STAG1: variants seen among roughly 807,000 people sequenced by gnomAD.
STAG1 encodes the protein cohesin subunit SA-1.
In STAG1, 26 loss-of-function variants were observed where a neutral mutation model predicts 170.9. That is an observed-to-expected ratio of 0.15 (90% CI 0.11 to 0.21). STAG1 has a LOEUF of 0.21. STAG1 is among the 10% of genes least tolerant of loss of function. STAG1 has a pLI of 1.00. For synonymous variants in STAG1, 514 were observed against 497.7 expected (o/e 1.03, Z -0.44); for missense variants, 964 against 1,509.5 (o/e 0.64, Z 5.99).
intron 23 of STAG1, among the ~76,000 whole-genome samples, chr3:136,373,284 T>C (rs1464216440): frequency 6.6e-6 from 1 of 151,992 alleles, no homozygotes; most frequent in South Asian, 2.1e-4. Flanking sequence ...TTTTGTTGAT[T>C]TTTTCAAAAA....
At chr3:136,531,851 G>A (rs1172161580) in intron 6 of STAG1, among the ~76,000 whole-genome samples, 1 of 148,118 alleles carries the variant, frequency 6.8e-6, no homozygotes, top group Non-Finnish European at 1.5e-5. Flanking sequence ...CATGGCACAT[G>A]TATACATATG....
chr3:136,486,041 C>T (rs1234201405), intron 9 of STAG1, among the ~76,000 whole-genome samples: 2 of 152,080 alleles, frequency 1.3e-5, no homozygotes, highest in East Asian at 3.8e-4. Flanking sequence ...AATACTGCAT[C>T]GGGACCCATT....
chr3:136,453,420 T>A (rs934612191), intron 13 of STAG1, among the ~76,000 whole-genome samples: 1 of 151,722 alleles, frequency 6.6e-6, no homozygotes, highest in African/African-American at 2.4e-5. Context: ...TGAAACCCCA[T>A]CTCTACTAAA....
At chr3:136,551,208 T>G (rs57215141) in intron 5 of STAG1, among the ~76,000 whole-genome samples, 6 of 44,476 alleles carry the variant, frequency 1.3e-4, no homozygotes, top group Admixed American at 3.5e-4. Flanking sequence ...TGAGAGAGAG[T>G]GAGAGAGAGA....
At chr3:136,595,986 T>G (rs1938410524) in intron 4 of STAG1, among the ~76,000 whole-genome samples, 1 of 152,176 alleles carries the variant, frequency 6.6e-6, no homozygotes, top group Non-Finnish European at 1.5e-5. Context: ...ATAACAGATT[T>G]TATCTTTGCA....
At chr3:136,726,550 A>C (rs1395422531) in intron 1 of STAG1, among the ~76,000 whole-genome samples, 1 of 152,130 alleles carries the variant, frequency 6.6e-6, no homozygotes, top group Non-Finnish European at 1.5e-5. Flanking sequence ...CAGTCTCCCA[A>C]GTAGCTGGGA....
At chr3:136,711,017 G>T (rs1177363316) in intron 1 of STAG1, among the ~76,000 whole-genome samples, 2 of 151,074 alleles carry the variant, frequency 1.3e-5, no homozygotes, top group South Asian at 2.1e-4. Flanking sequence ...AAAACTCCTG[G>T]TTAAAGTATG....
chr3:136,741,670 G>A (rs765357340), intron 1 of STAG1, among the ~76,000 whole-genome samples: 4 of 152,076 alleles, frequency 2.6e-5, no homozygotes, highest in Non-Finnish European at 4.4e-5. Context: ...GTTTCTCCAC[G>A]TTGGTCACGC....
chr3:136,395,529 G>C (rs2087124639), intron 22 of STAG1, among the ~76,000 whole-genome samples: 1 of 152,132 alleles, frequency 6.6e-6, no homozygotes, highest in East Asian at 1.9e-4. Context: ...GCTGAGGCAG[G>C]AGAATCACTT....
chr3:136,586,094 T>C (rs1348397678), intron 4 of STAG1, among the ~76,000 whole-genome samples: 1 of 152,226 alleles, frequency 6.6e-6, no homozygotes, highest in Non-Finnish European at 1.5e-5. Flanking sequence ...AGGTTCCCTC[T>C]TTGAAAATTA....
At chr3:136,371,611 G>A (rs1464609032) in intron 23 of STAG1, among the ~76,000 whole-genome samples, 1 of 152,150 alleles carries the variant, frequency 6.6e-6, no homozygotes, top group African/African-American at 2.4e-5. Context: ...ATTAAATAGG[G>A]AATCCTTTCC....
At chr3:136,528,031 C>A (rs570014424) in intron 6 of STAG1, among the ~76,000 whole-genome samples, 7 of 152,276 alleles carry the variant, frequency 4.6e-5, no homozygotes, top group African/African-American at 1.7e-4. Context: ...ACTTGGGGGT[C>A]AGGGACCCAC....
intron 16 of STAG1, among the ~76,000 whole-genome samples, chr3:136,431,951 A>T (rs768001231): frequency 2.0e-5 from 3 of 152,052 alleles, no homozygotes; most frequent in Non-Finnish European, 4.4e-5. Flanking sequence ...ATTGTCTCTC[A>T]TCAAATTTGG....
chr3:136,672,704 A>AAC (rs970701891), intron 1 of STAG1, among the ~76,000 whole-genome samples: 8 of 152,130 alleles, frequency 5.3e-5, no homozygotes, highest in Non-Finnish European at 1.2e-4. Flanking sequence ...TCCACCCCGC[A>AAC]ACACACACAC....
At chr3:136,457,263 C>T (rs566268932) in intron 13 of STAG1, among the ~76,000 whole-genome samples, 14 of 152,226 alleles carry the variant, frequency 9.2e-5, no homozygotes, top group African/African-American at 2.9e-4. Flanking sequence ...TAAAACCCCT[C>T]GTGGCCTCTG....
intron 1 of STAG1, among the ~76,000 whole-genome samples, chr3:136,673,661 A>ATTTT (rs1381929120): frequency 4.9e-4 from 75 of 152,082 alleles, no homozygotes; most frequent in Non-Finnish European, 3.2e-4. Flanking sequence ...AAACAGAAAA[A>ATTTT]TTTTTCACCT....
intron 3 of STAG1, among the ~76,000 whole-genome samples, chr3:136,617,612 T>C (rs1939658268): frequency 1.3e-5 from 2 of 152,260 alleles, no homozygotes. Flanking sequence ...GGTTGGTACT[T>C]TTACTCTCTA....
chr3:136,741,583 C>T (rs1412565335), intron 1 of STAG1, among the ~76,000 whole-genome samples: 1 of 152,168 alleles, frequency 6.6e-6, no homozygotes, highest in African/African-American at 2.4e-5. Context: ...ATTCTCCTGC[C>T]TCAGCCTTTT....
chr3:136,358,273 T>C (rs956063853), intron 27 of STAG1, among the ~76,000 whole-genome samples: 1 of 151,962 alleles, frequency 6.6e-6, no homozygotes, highest in Admixed American at 6.5e-5. Flanking sequence ...TTTGTAGAGA[T>C]GGGGTTTCGC....
Sources: gnomAD v4.1 joint callset for allele counts (sites outside exome capture counted in the v4.1 genomes callset) on GRCh38, gnomAD v4.1.1 for gene constraint, MANE v1.5 for transcripts, NCBI Gene and HGNC (gene_info 2026-07-23, HGNC 2026-07-21) for gene names.